The following LEPR variants were observed in gnomAD, a reference collection of about 807,000 sequenced individuals.
The protein encoded by LEPR is leptin receptor.
Under a neutral mutation model 114.7 loss-of-function variants are expected in LEPR, and 56 were observed. The ratio of observed to expected loss-of-function variants is 0.49; its 90% confidence interval spans 0.39 to 0.61. LEPR has a LOEUF of 0.61. Among genes scored for constraint, LEPR ranks in the 20% least tolerant of loss-of-function variants. LEPR has a pLI of 0.00. For synonymous variants in LEPR, 443 were observed against 461.4 expected, an observed-to-expected ratio of 0.96 and a Z score of 0.51; for missense variants, 1,202 against 1,352.9, an observed-to-expected ratio of 0.89 and a Z score of 1.75.
rs1372575608 is a variant in LEPR, at chr1:65,618,192, A to C, written c.2395+46A>C. The C allele has an allele frequency of 5.9e-6, 9 of 1,530,312 alleles. No individual in the cohort carries two copies. In the South Asian group the frequency reaches 8.1e-5, roughly 14 times the overall value. The allele number at this position is 1,530,312 out of a possible 1,614,324, so 94.8% of individuals were successfully genotyped here. On this transcript the variant is annotated intron_variant, in intron 16 of 19. Coordinates refer to ENST00000349533, the MANE Select transcript of LEPR (RefSeq NM_002303.6). ...TAAGTTGCTCTCATGGATTAATATG[A>C]CACTACAGATTATTAATTCTATTAA... is the stretch of plus-strand genomic sequence containing the variant.
At chr1:65,434,151 T>G in intron 2 of LEPR, 1 of 984,338 alleles carries the variant, frequency 1.0e-6, no homozygotes, top group South Asian at 4.7e-5. Context: ...GTATTTGAAG[T>G]GATAGATTAT....
intron 2 of LEPR, among the ~76,000 whole-genome samples, chr1:65,491,315 T>C (rs1570551440): frequency 6.6e-6 from 1 of 152,118 alleles, no homozygotes; most frequent in Middle Eastern, 3.4e-3. Flanking sequence ...ACAGAATACA[T>C]CACGAAGATC....
rs1648893714 is a variant in LEPR, at chr1:65,508,953, A to T, written c.-20-56593A>T. ...ATTTTATTTTTTTTGATACTAATGT[A>T]AATGGGATTGTTTTCCTCGTTTCTT... On this transcript the variant is annotated intron_variant, in intron 2 of 19. Coordinates refer to ENST00000349533, the MANE Select transcript of LEPR (RefSeq NM_002303.6). Among the ~76,000 whole-genome samples, 3 of 152,220 alleles carry T rather than the reference A, an allele frequency of 2.0e-5. No homozygotes were observed. In the South Asian group the frequency reaches 6.2e-4, roughly 32 times the overall value.
At chr1:65,449,153 C>G (rs1233178258) in intron 2 of LEPR, among the ~76,000 whole-genome samples, 1 of 152,190 alleles carries the variant, frequency 6.6e-6, no homozygotes, top group Non-Finnish European at 1.5e-5. Flanking sequence ...CTTGGCCTCC[C>G]AAAGGCGTAA....
In LEPR at chr1:65,610,281, CACTTT is replaced by C. The variant is rs1469336975; in HGVS notation, c.1986_1990del (p.Leu663GlufsTer7). 2.5e-6 allele frequency: 4 copies of C among 1,612,588 alleles called. No homozygotes were observed. Among genetic ancestry groups the C allele is most frequent in the Non-Finnish European group, 3.4e-6 (4 of 1,179,158 alleles). Reference sequence around the variant, plus strand: ...ATACTATGAAAAAGGAGAAAAATGTCACTTTACTTTGGAAGGTATTCCCAATTTTA... The same window carrying C: ...ATACTATGAAAAAGGAGAAAAATGTCACTTTGGAAGGTATTCCCAATTTTA... On this transcript the variant is annotated frameshift_variant, in exon 14 of 20. Transcript: ENST00000349533. LOFTEE classifies it high-confidence loss of function.
intron 2 of LEPR, among the ~76,000 whole-genome samples, chr1:65,436,280 GAAA>G (rs572186213): frequency 1.7e-4 from 26 of 152,220 alleles, no homozygotes; most frequent in Admixed American, 1.4e-3. Flanking sequence ...TATTGGAAAA[GAAA>G]AAAACCTGAC....
rs958926642 is a variant in LEPR, at chr1:65,460,501, C to T, written c.-21+35123C>T. ...GTGCATAGATACAGATCCATGTACT[C>T]GTGCCCCCTACTCAGAATAATAATG... On this transcript the variant is annotated intron_variant, in intron 2 of 19. Coordinates refer to ENST00000349533, the MANE Select transcript of LEPR (RefSeq NM_002303.6). Among the ~76,000 whole-genome samples the T allele has an allele frequency of 7.2e-5, 11 of 152,116 alleles. 1 individual carries two copies. Among genetic ancestry groups the T allele is most frequent in the Admixed American group, 5.9e-4 (9 of 15,274 alleles).
intron 2 of LEPR, among the ~76,000 whole-genome samples, chr1:65,453,844 T>C (rs1646825055): frequency 6.6e-6 from 1 of 151,846 alleles, no homozygotes; most frequent in Non-Finnish European, 1.5e-5. Context: ...CCTTGTTGAC[T>C]TTCTGTCTCG....
chr1:65,477,158 C>CCCA (rs1490834181), intron 2 of LEPR, among the ~76,000 whole-genome samples: 2 of 152,150 alleles, frequency 1.3e-5, no homozygotes, highest in Non-Finnish European at 2.9e-5. Context: ...TCTTTCCTTA[C>CCCA]CCACCTCCAT....
chr1:65,546,635 T>C (rs545334756), intron 2 of LEPR, among the ~76,000 whole-genome samples: 1 of 152,342 alleles, frequency 6.6e-6, no homozygotes, highest in East Asian at 1.9e-4. Context: ...ATAAGAATGC[T>C]TGCGATTTTT....
At chr1:65,447,943 C>T (rs1022867511) in intron 2 of LEPR, among the ~76,000 whole-genome samples, 1 of 152,176 alleles carries the variant, frequency 6.6e-6, no homozygotes, top group Non-Finnish European at 1.5e-5. Flanking sequence ...GGATTTTCTA[C>T]ATGAACAACT....
chr1:65,564,921 A>G (rs1653619534), intron 2 of LEPR, among the ~76,000 whole-genome samples: 1 of 151,762 alleles, frequency 6.6e-6, no homozygotes, highest in African/African-American at 2.4e-5. Context: ...AGTAGAACTC[A>G]TAGGAAATCT....
At chr1:65,601,365 C>A (rs1475722508) in intron 8 of LEPR, 27 bp from the exon 9 acceptor site, 2 of 1,608,690 alleles carry the variant, frequency 1.2e-6, no homozygotes, top group Admixed American at 3.3e-5. Flanking sequence ...TTGTCTTCAT[C>A]TGATATCCTT....
chr1:65,606,859 A>G (rs988182244), intron 11 of LEPR, among the ~76,000 whole-genome samples: 2 of 152,158 alleles, frequency 1.3e-5, no homozygotes, highest in African/African-American at 2.4e-5. Context: ...ACTTTACATG[A>G]CGGAAAAAGT....
chr1:65,610,348 A>C, intron 14 of LEPR, 52 bp downstream of exon 14: 1 of 1,423,204 alleles, frequency 7.0e-7, no homozygotes, highest in South Asian at 1.2e-5. Flanking sequence ...ACTCTTAAAA[A>C]TTTACTTCAT....
intron 2 of LEPR, among the ~76,000 whole-genome samples, chr1:65,545,991 G>T (rs939737816): frequency 5.9e-5 from 9 of 151,538 alleles, no homozygotes; most frequent in African/African-American, 1.5e-4. Flanking sequence ...TGTATAAGGT[G>T]TAAGGAAGGG....
At chr1:65,621,217 T>C (rs1657861082) in intron 17 of LEPR, 136 bp from the exon 18 acceptor site, 1 of 723,336 alleles carries the variant, frequency 1.4e-6, no homozygotes, top group Non-Finnish European at 2.3e-6. Flanking sequence ...TTTATCTTCA[T>C]TTTTTATTTT....
rs72921464 is a variant in LEPR at position 65,473,813 on chromosome 1, G to A, written c.-21+48435G>A. ...CTTTATTTGCAGCAAACCAAAACCCGTATGATTGTTGTCAAGTAAGACTTC... is the reference window on the plus strand; with the variant it reads ...CTTTATTTGCAGCAAACCAAAACCCATATGATTGTTGTCAAGTAAGACTTC... On this transcript the variant is annotated intron_variant, in intron 2 of 19. Coordinates refer to ENST00000349533, the MANE Select transcript of LEPR (RefSeq NM_002303.6). 5.8e-3 allele frequency among the ~76,000 whole-genome samples: 889 copies of A among 152,180 alleles called. 13 individuals are homozygous for A. The highest frequency in any genetic ancestry group is 0.021 in the African/African-American group (851 of 41,506).
chr1:65,507,459 G>GTATA (rs1553159548), intron 2 of LEPR, among the ~76,000 whole-genome samples: 1 of 139,522 alleles, frequency 7.2e-6, no homozygotes. Context: ...GTGTGTGTGT[G>GTATA]TATATATATA....
Sources: gnomAD v4.1 joint callset for allele counts (sites outside exome capture counted in the v4.1 genomes callset) on GRCh38, gnomAD v4.1.1 for gene constraint, MANE v1.5 for transcripts, NCBI Gene and HGNC (gene_info 2026-07-23, HGNC 2026-07-21) for gene names.